STK25: variants seen among roughly 807,000 people sequenced by gnomAD.
The protein encoded by STK25 is serine/threonine-protein kinase 25.
Under a neutral mutation model 53.8 loss-of-function variants are expected in STK25, and 29 were observed. The ratio of observed to expected loss-of-function variants is 0.54; its 90% CI spans 0.40 to 0.74. STK25 has a LOEUF of 0.74. Ranked by LOEUF, STK25 falls within the 30% of genes least tolerant of loss-of-function variation. The pLI, the probability that STK25 is intolerant of heterozygous loss-of-function variation, is 0.00. For synonymous variants in STK25, 247 were observed against 238.3 expected, an observed-to-expected ratio of 1.04 and a Z score of -0.33; for missense variants, 420 against 568.0, an observed-to-expected ratio of 0.74 and a Z score of 2.65.
rs1466966937 is a variant in STK25, at chr2:241,498,742, G to A, written c.814C>T (p.Arg272Cys). ...KELLKHKFIT[R>C]YTKKTSFLTE... Reference sequence around the variant, plus strand: ...AGGAAGGAGGTCTTCTTGGTGTAGCGTGTGATGAACTTGTGCTTCAGGAGC... The same window carrying A: ...AGGAAGGAGGTCTTCTTGGTGTAGCATGTGATGAACTTGTGCTTCAGGAGC... Residue 272 changes from arginine to cysteine, a missense_variant, in exon 8 of 12, where the codon CGC becomes TGC. Arg to Cys is a radical substitution (Grantham distance 180). Transcript: ENST00000316586. The A allele has an allele frequency of 5.0e-6, 8 of 1,614,042 alleles. No individual in the cohort carries two copies. The highest frequency in any genetic ancestry group is 5.9e-6 in the Non-Finnish European group (7 of 1,180,038).
chr2:241,508,962 G>T (rs1222931622), upstream of STK25, among the ~76,000 whole-genome samples: 2 of 152,148 alleles, frequency 1.3e-5, no homozygotes, highest in African/African-American at 4.8e-5. Context: ...GCCCTGCGCA[G>T]CCCTGGTTCG....
rs541967719 is a variant in STK25, at chr2:241,497,843, C to T, written c.1033-156G>A. ...CCGGCCCCAAAACCATCAAGCCACC[C>T]GGATGGCCTGACTCTGAGGGCGACT... On this transcript the variant is annotated intron_variant, in intron 9 of 11. Transcript: ENST00000316586. Among the ~76,000 whole-genome samples the T allele has an allele frequency of 7.2e-5, 11 of 151,838 alleles. No individual in the cohort carries two copies. The South Asian group carries it at 1.5e-3, about 20-fold the overall frequency.
In STK25 at chr2:241,498,661, ACTC is replaced by A; in HGVS notation, c.892_894del (p.Glu298del). 6.2e-7 allele frequency: 1 copy of A among 1,613,826 alleles called. No homozygotes were observed. Among genetic ancestry groups the A allele is most frequent in the Non-Finnish European group, 8.5e-7 (1 of 1,179,956 alleles). On this transcript the variant is annotated inframe_deletion, in exon 8 of 12. Transcript: ENST00000316586. ...TACATGTCAGAGTCCTCAGAGCTGG[ACTC>A]CTCGCCATGCCCCTCTGACTTCCAG...
chr2:241,500,304 AG>A, intron 4 of STK25, 23 bp from the exon 5 acceptor site: 2 of 1,568,232 alleles, frequency 1.3e-6, no homozygotes, highest in South Asian at 2.2e-5. Flanking sequence ...GTGCGACAGC[AG>A]GGCCTCAGCT....
chr2:241,500,140 C>T (rs772033061), intron 5 of STK25, 33 bp downstream of exon 5: 90 of 1,569,908 alleles, frequency 5.7e-5, no homozygotes, highest in Non-Finnish European at 7.6e-5. Context: ...GGGCTCAGGA[C>T]GTTACAAGAG....
At position 241,500,809 on chromosome 2, in the gene STK25, A is replaced by G; in HGVS notation, c.262-13T>C. 6.2e-7 allele frequency: 1 copy of G among 1,613,132 alleles called. No individual in the cohort carries two copies. The highest frequency in any genetic ancestry group is 8.5e-7 in the Non-Finnish European group (1 of 1,179,618). ...ATAGCTTGGTGCTCTGGGACCGGAG[A>G]CAAACCCATCAGCATTTGGCAGCAA... is the stretch of plus-strand genomic sequence containing the variant. On this transcript the variant is annotated splice_polypyrimidine_tract_variant and intron_variant, in intron 3 of 11. Coordinates refer to ENST00000316586, the MANE Select transcript of STK25 (RefSeq NM_001271977.2).
chr2:241,494,145 T>TGGACACAACTACAAAGAACAGCA lies in STK25; in HGVS notation c.*1494_*1516dup. ...GAATGACGCTCAACCTGCCCAGGTT[T>TGGACACAACTACAAAGAACAGCA]GGACACAACTACAAAGAACAGCAGG... On this transcript the variant is annotated 3_prime_UTR_variant, in exon 12 of 12. Coordinates refer to ENST00000316586, the MANE Select transcript of STK25 (RefSeq NM_001271977.2). The surrounding 1 kb of genome is among the most constrained non-coding windows in gnomAD (Gnocchi z 4.9). 7.2e-7 allele frequency: 1 copy of TGGACACAACTACAAAGAACAGCA among 1,396,776 alleles called. No homozygotes were observed. Among genetic ancestry groups the TGGACACAACTACAAAGAACAGCA allele is most frequent in the Non-Finnish European group, 9.5e-7 (1 of 1,048,090 alleles). The allele number at this position is 1,396,776 out of a possible 1,614,324, so 86.5% of individuals were successfully genotyped here. A position where few individuals can be genotyped will look rare whatever the true frequency, so the allele number is the denominator to read the frequency against.
In STK25 at chr2:241,494,229, A is replaced by C; in HGVS notation, c.*1433T>G. The C allele has an allele frequency of 9.3e-5, 59 of 633,782 alleles. No homozygotes were observed. The highest frequency in any genetic ancestry group is 1.2e-4 in the South Asian group (3 of 24,024). The allele number at this position is 633,782 out of a possible 1,614,324, so 39.3% of individuals were successfully genotyped here. ...ACAGATGGGAAGTGGCTGTGGTCTC[A>C]CTGGATCCCCACTGGCACCAGCAGT... On this transcript the variant is annotated 3_prime_UTR_variant, in exon 12 of 12. Coordinates refer to ENST00000316586, the MANE Select transcript of STK25 (RefSeq NM_001271977.2). The surrounding 1 kb of genome is among the most constrained non-coding windows in gnomAD (Gnocchi z 4.9).
Position 241,508,215 on chromosome 2 carries a change from G to T in STK25, c.-100-80C>A. ...TCCGGGGCGGCGGGCTCCATGGGTG[G>T]GGGGGGGCCCAGGAGACCCCCCAGG... On this transcript the variant is annotated intron_variant, in intron 1 of 11. Transcript: ENST00000316586. 6.7e-6 allele frequency: 9 copies of T among 1,344,108 alleles called. No individual in the cohort carries two copies. The South Asian group carries it at 1.5e-4, about 22-fold the overall frequency. The allele number at this position is 1,344,108 out of a possible 1,614,324, so 83.3% of individuals were successfully genotyped here. A position where few individuals can be genotyped will look rare whatever the true frequency, so the allele number is the denominator to read the frequency against.
chr2:241,503,148 C>G (rs1306424012), intron 2 of STK25, among the ~76,000 whole-genome samples: 2 of 152,130 alleles, frequency 1.3e-5, no homozygotes, highest in Non-Finnish European at 2.9e-5. Context: ...ACTGCAACCT[C>G]TGCCTCCTGG....
chr2:241,499,194 T>G lies in STK25; in HGVS notation c.586-20A>C, dbSNP rs2065360357. The stretch of plus-strand genomic sequence containing the variant: ...GTCAGCCTGGACAGAACACAAGGAC[T>G]GTTGCTGCCCTGAGCACCCGAGCCA... On this transcript the variant is annotated intron_variant, in intron 6 of 11. Transcript: ENST00000316586. The G allele has an allele frequency of 6.2e-7, 1 of 1,613,788 alleles. No individual in the cohort carries two copies. The highest frequency in any genetic ancestry group is 8.5e-7 in the Non-Finnish European group (1 of 1,179,864).
chr2:241,501,759 C>T lies in STK25; in HGVS notation c.31-51G>A, dbSNP rs770954975. ...GGCAGACAGCGCCGGTCACAAGAGG[C>T]GGGGGACAGGCAGAGGCTGCCCTGC... On this transcript the variant is annotated intron_variant, in intron 2 of 11. Transcript: ENST00000316586. This position sits in a 1 kb window ranked among gnomAD's most constrained non-coding sequence, Gnocchi z 5.3. 26 of 1,476,950 alleles carry T rather than the reference C, an allele frequency of 1.8e-5. No homozygotes were observed. Among genetic ancestry groups the T allele is most frequent in the East Asian group, 2.3e-5 (1 of 43,918 alleles). 91.5% of individuals were successfully genotyped at this position (1,476,950 alleles called of 1,614,324 possible).
rs939908984 is a variant in STK25, at chr2:241,496,264, G to A, written c.1241+134C>T. ...CAAACAAGGAAGAGGATGCCACGCC[G>A]CGCCTTCCCAGAGTGAAGCGAGCCC... On this transcript the variant is annotated intron_variant, in intron 11 of 11. Transcript: ENST00000316586. The surrounding 1 kb of genome is among the most constrained non-coding windows in gnomAD (Gnocchi z 5.8). 1.7e-5 allele frequency: 19 copies of A among 1,104,186 alleles called. No individual in the cohort carries two copies. Among genetic ancestry groups the A allele is most frequent in the South Asian group, 2.9e-5 (2 of 69,296 alleles). 68.4% of individuals were successfully genotyped at this position (1,104,186 alleles called of 1,614,324 possible).
Position 241,493,994 on chromosome 2 carries a change from G to A in STK25, c.*1668C>T, listed in dbSNP as rs369845140. The A allele has an allele frequency of 6.2e-5, 85 of 1,366,228 alleles. 1 individual carries two copies. In the East Asian group the frequency reaches 7.2e-4, roughly 12 times the overall value. The allele number at this position is 1,366,228 out of a possible 1,614,324, so 84.6% of individuals were successfully genotyped here. A position where few individuals can be genotyped will look rare whatever the true frequency, so the allele number is the denominator to read the frequency against. ...AAGATGGCTCACTGGTCTGATGGCC[G>A]CCCTCTCCTCCAGGTGGATGGAGGT... is the stretch of plus-strand genomic sequence containing the variant. On this transcript the variant is annotated 3_prime_UTR_variant, in exon 12 of 12. Coordinates refer to ENST00000316586, the MANE Select transcript of STK25 (RefSeq NM_001271977.2).
Position 241,498,238 on chromosome 2 carries a change from CTGTGAACTGTGCAGGGCCGTCCCCT to C in STK25, c.1004_1028del (p.Lys335ArgfsTer62). 6.2e-7 allele frequency: 1 copy of C among 1,613,326 alleles called. No individual in the cohort carries two copies. The highest frequency in any genetic ancestry group is 8.5e-7 in the Non-Finnish European group (1 of 1,179,538). On this transcript the variant is annotated frameshift_variant, in exon 9 of 12. Coordinates refer to ENST00000316586, the MANE Select transcript of STK25 (RefSeq NM_001271977.2). LOFTEE classifies it high-confidence loss of function. ...AAAGGCCAGGCCAGGAACAGACCTT[CTGTGAACTGTGCAGGGCCGTCCCCT>C]TGTGAAGCTTGCTGTGTGGACTCGG...
chr2:241,506,567 A>G (rs1373820446), intron 2 of STK25, among the ~76,000 whole-genome samples: 1 of 152,254 alleles, frequency 6.6e-6, no homozygotes, highest in Non-Finnish European at 1.5e-5. Context: ...CAGGAGTTTG[A>G]GACCAGCCTG....
chr2:241,495,916 T>A (rs772693519), intron 11 of STK25, among the ~76,000 whole-genome samples: 38 of 152,226 alleles, frequency 2.5e-4, no homozygotes, highest in Admixed American at 3.9e-4. Flanking sequence ...AAGGGGTCCC[T>A]GTGTGTGGAC....
chr2:241,499,425 C>G lies in STK25; in HGVS notation c.428-11G>C. Reference sequence around the variant, plus strand: ...GTAGCACGTTGGCAGCTGCTTGACACAGGACAGGCAGGCGTCATCCCAGGC... The same window carrying G: ...GTAGCACGTTGGCAGCTGCTTGACAGAGGACAGGCAGGCGTCATCCCAGGC... On this transcript the variant is annotated splice_polypyrimidine_tract_variant and intron_variant, in intron 5 of 11. Coordinates refer to ENST00000316586, the MANE Select transcript of STK25 (RefSeq NM_001271977.2). The G allele has an allele frequency of 6.2e-7, 1 of 1,611,468 alleles. No individual in the cohort carries two copies. The highest frequency in any genetic ancestry group is 8.5e-7 in the Non-Finnish European group (1 of 1,178,640).
chr2:241,498,584 G>A (rs1407070440), intron 8 of STK25, 55 bp downstream of exon 8: 3 of 1,567,088 alleles, frequency 1.9e-6, no homozygotes, highest in Non-Finnish European at 2.6e-6. Flanking sequence ...TCTGGAGTGG[G>A]GACCACCCAC....
Sources: allele counts gnomAD v4.1 joint callset (sites outside exome capture counted in the v4.1 genomes callset), GRCh38; gene constraint gnomAD v4.1.1; non-coding constraint Gnocchi (gnomAD v3.1); transcripts MANE v1.5; gene names NCBI Gene and HGNC (gene_info 2026-07-23, HGNC 2026-07-21).